HADHA: variants seen among roughly 807,000 people sequenced by gnomAD.
HADHA encodes the protein hydroxyacyl-CoA dehydrogenase trifunctional multienzyme complex subunit alpha, also known as trifunctional enzyme subunit alpha, mitochondrial.
A neutral mutation model predicts 91.3 loss-of-function variants in HADHA; 59 were observed. The observed-to-expected ratio is 0.65, with a 90% CI of 0.52 to 0.80. The LOEUF is 0.80. HADHA is among the 30% of genes least tolerant of loss of function. HADHA has a pLI of 0.00. For missense variants in HADHA, 800 were observed against 927.6 expected (o/e 0.86, Z 1.79); for synonymous variants, 320 against 338.9 (o/e 0.94, Z 0.61).
At chr2:26,219,115 G>A (rs1670307784) in intron 7 of HADHA, among the ~76,000 whole-genome samples, 1 of 151,312 alleles carries the variant, frequency 6.6e-6, no homozygotes. Flanking sequence ...TAAAAGGCCA[G>A]TAATGAAGAC....
intron 7 of HADHA, among the ~76,000 whole-genome samples, chr2:26,218,071 C>T (rs559539283): frequency 9.9e-5 from 15 of 152,120 alleles, no homozygotes; most frequent in Non-Finnish European, 1.3e-4. Context: ...TTTGGGAGTC[C>T]GCGGTGGGCA....
intron 7 of HADHA, among the ~76,000 whole-genome samples, chr2:26,225,262 G>A (rs1226844707): frequency 6.6e-6 from 1 of 152,076 alleles, no homozygotes; most frequent in African/African-American, 2.4e-5. Flanking sequence ...AGGCAGGTAG[G>A]TGGATCATGA....
intron 6 of HADHA, among the ~76,000 whole-genome samples, chr2:26,231,275 T>C (rs966357660): frequency 5.9e-5 from 9 of 152,198 alleles, no homozygotes; most frequent in African/African-American, 9.6e-5. Flanking sequence ...GAGATCAACT[T>C]CCCTGCAAAG....
At chr2:26,230,321 TA>T (rs1231496323) in intron 6 of HADHA, 27 bp from the exon 7 acceptor site, 4 of 1,329,056 alleles carry the variant, frequency 3.0e-6, no homozygotes, top group Non-Finnish European at 4.3e-6. Context: ...GATGAGAATA[TA>T]GGGGGAAAAA....
chr2:26,240,218 C>T (rs1670858513), intron 1 of HADHA, among the ~76,000 whole-genome samples: 2 of 152,194 alleles, frequency 1.3e-5, no homozygotes, highest in Non-Finnish European at 2.9e-5. Flanking sequence ...TCTTTTCCAA[C>T]ATAATCTGTT....
At chr2:26,193,463 G>A (rs1395111812) in intron 17 of HADHA, 114 bp downstream of exon 17, 1 of 896,500 alleles carries the variant, frequency 1.1e-6, no homozygotes, top group East Asian at 2.4e-5. Flanking sequence ...AGTGATAAGG[G>A]CTCTGTGTTT....
At chr2:26,194,501 G>T in intron 16 of HADHA, 69 bp downstream of exon 16, 1 of 968,898 alleles carries the variant, frequency 1.0e-6, no homozygotes, top group Non-Finnish European at 1.7e-6. Context: ...TCCTTATCTT[G>T]ACATCATGAG....
chr2:26,213,259 A>C (rs1206633899), intron 9 of HADHA, among the ~76,000 whole-genome samples: 1 of 151,982 alleles, frequency 6.6e-6, no homozygotes, highest in South Asian at 2.1e-4. Context: ...TATTTTTACT[A>C]TTCTATCTCA....
intron 18 of HADHA, 85 bp downstream of exon 18, chr2:26,192,225 A>C (rs1574601008): frequency 3.4e-4 from 253 of 746,142 alleles, no homozygotes; most frequent in East Asian, 2.4e-3. Flanking sequence ...GTATTAAAAA[A>C]AAAAAAAAAT....
At chr2:26,237,305 A>G (rs1670786152) in intron 3 of HADHA, among the ~76,000 whole-genome samples, 1 of 152,208 alleles carries the variant, frequency 6.6e-6, no homozygotes, top group African/African-American at 2.4e-5. Flanking sequence ...AAAAATCTGC[A>G]TAATGTTAAG....
chr2:26,213,244 T>C (rs570369627), intron 9 of HADHA, among the ~76,000 whole-genome samples: 8 of 152,328 alleles, frequency 5.3e-5, no homozygotes, highest in African/African-American at 1.9e-4. Flanking sequence ...CTGTTGCTGC[T>C]TTCCTATTTT....
At position 26,244,614 on chromosome 2, in the gene HADHA, A is replaced by G. The variant is rs367848053; in HGVS notation, c.-18T>C. ...GCCACCATCTTGAGCTGAAGAGGAC[A>G]GCAGTGGAGAGCGCCTCTAACGGGT... On this transcript the variant is annotated 5_prime_UTR_variant, in exon 1 of 20. Coordinates refer to ENST00000380649, the MANE Select transcript of HADHA (RefSeq NM_000182.5). 1.3e-6 allele frequency: 2 copies of G among 1,565,722 alleles called. No homozygotes were observed. Among genetic ancestry groups the G allele is most frequent in the African/African-American group, 1.4e-5 (1 of 73,726 alleles).
chr2:26,225,778 C>T (rs1387853721), intron 7 of HADHA, among the ~76,000 whole-genome samples: 1 of 152,134 alleles, frequency 6.6e-6, no homozygotes, highest in Non-Finnish European at 1.5e-5. Context: ...CCTCCTAAGA[C>T]TGGGAACAAG....
intron 1 of HADHA, among the ~76,000 whole-genome samples, chr2:26,240,806 C>T (rs1670871700): frequency 6.6e-6 from 1 of 152,152 alleles, no homozygotes. Context: ...TTTGAGATAA[C>T]AGGTTAGTGG....
chr2:26,192,337 C>T lies in HADHA; in HGVS notation c.1973G>A (p.Ser658Asn). ...LNSDMDSILA[S>N]LKLPPKSEVS... ...TTCAGACTTAGGAGGCAGCTTCAGACTCGCTAAAATACTATCCATGTCAGA... is the reference window on the plus strand; with the variant it reads ...TTCAGACTTAGGAGGCAGCTTCAGATTCGCTAAAATACTATCCATGTCAGA... Residue 658 changes from serine (S) to asparagine (N), a missense_variant, in exon 18 of 20, where the codon AGT becomes AAT. Ser to Asn is a conservative substitution (Grantham distance 46, BLOSUM62 1). Transcript: ENST00000380649. 6.2e-7 allele frequency: 1 copy of T among 1,601,568 alleles called. No individual in the cohort carries two copies. Among genetic ancestry groups the T allele is most frequent in the Non-Finnish European group, 8.6e-7 (1 of 1,168,518 alleles).
At chr2:26,195,698 A>C (rs758257862) in intron 14 of HADHA, among the ~76,000 whole-genome samples, 15 of 152,172 alleles carry the variant, frequency 9.9e-5, no homozygotes, top group Non-Finnish European at 2.1e-4. Flanking sequence ...AGGTTTAACT[A>C]ACACTCCTCA....
At chr2:26,232,103 A>C in intron 6 of HADHA, 57 bp downstream of exon 6, 1 of 1,295,928 alleles carries the variant, frequency 7.7e-7, no homozygotes, top group Admixed American at 1.7e-5. Context: ...TGCATTTTAT[A>C]CAAGAAAACA....
chr2:26,213,782 G>A (rs1481905799), intron 9 of HADHA, among the ~76,000 whole-genome samples: 9 of 152,174 alleles, frequency 5.9e-5, no homozygotes, highest in African/African-American at 2.2e-4. Context: ...CCTGTGAGAC[G>A]AAGGCAGGTG....
At chr2:26,238,690 A>G (rs1439872456) in intron 3 of HADHA, among the ~76,000 whole-genome samples, 1 of 152,238 alleles carries the variant, frequency 6.6e-6, no homozygotes, top group Non-Finnish European at 1.5e-5. Context: ...CTCATTCTAC[A>G]CTATAACCAG....
Sources: gnomAD v4.1 joint callset for allele counts (sites outside exome capture counted in the v4.1 genomes callset) on GRCh38, gnomAD v4.1.1 for gene constraint, MANE v1.5 for transcripts, NCBI Gene and HGNC (gene_info 2026-07-23, HGNC 2026-07-21) for gene names.